The following ABL1 variants were observed in gnomAD, a reference collection of about 807,000 sequenced individuals.
The protein encoded by ABL1 is ABL proto-oncogene 1, non-receptor tyrosine kinase.
In ABL1, 11 loss-of-function variants were observed where a neutral mutation model predicts 94.7. That is an observed-to-expected ratio of 0.12 (90% CI 0.07 to 0.19). The LOEUF (loss-of-function observed/expected upper bound fraction) is 0.19, where lower values mean the gene tolerates loss of function less well. ABL1 is among the 10% of genes least tolerant of loss of function. The pLI is 1.00. For missense variants in ABL1, 1,082 were observed against 1,489.4 expected (o/e 0.73, Z 4.50); for synonymous variants, 656 against 622.4 (o/e 1.05, Z -0.80).
rs3085157 is a variant in ABL1 at position 130,802,095 on chromosome 9, CTTTTTT to C, written c.137-51959_137-51954del. Among the ~76,000 whole-genome samples the C allele has an allele frequency of 7.9e-4, 104 of 132,078 alleles. 2 individuals carry two copies. The highest frequency in any genetic ancestry group is 3.0e-3 in the African/African-American group (102 of 33,808). The allele number at this position is 132,078 out of a possible 152,430, so 86.6% of individuals were successfully genotyped here. ...AGTCTGTTCATTTTTTTCCTTCAGT[CTTTTTT>C]TTTTTTTTTGAAATGGTCTCTCTCT... On this transcript the variant is annotated intron_variant, in intron 1 of 10. Transcript: ENST00000372348.
At chr9:130,830,610 T>A (rs1159982019), upstream of ABL1, among the ~76,000 whole-genome samples, 3 of 152,214 alleles carry the variant, frequency 2.0e-5, no homozygotes, top group African/African-American at 7.2e-5. Flanking sequence ...GCATGTTTGT[T>A]AATTTGAGCT....
At chr9:130,809,448 G>A (rs534696722) in intron 1 of ABL1, among the ~76,000 whole-genome samples, 1 of 151,410 alleles carries the variant, frequency 6.6e-6, no homozygotes, top group African/African-American at 2.4e-5. Flanking sequence ...GTGTGTGCAC[G>A]TGTGAAGAAA....
intron 1 of ABL1, among the ~76,000 whole-genome samples, chr9:130,755,273 G>A (rs766131298): frequency 1.7e-4 from 26 of 152,190 alleles, no homozygotes; most frequent in Non-Finnish European, 3.2e-4. Flanking sequence ...ACACCAGTAG[G>A]CATCTTGGAT....
intron 1 of ABL1, among the ~76,000 whole-genome samples, chr9:130,799,547 A>G (rs1461545130): frequency 6.6e-6 from 1 of 152,182 alleles, no homozygotes; most frequent in Non-Finnish European, 1.5e-5. Context: ...CTATGGCCTC[A>G]ATTTCATCTT....
intron 1 of ABL1, among the ~76,000 whole-genome samples, chr9:130,812,200 C>CAAAAAA (rs35352789): frequency 4.1e-5 from 2 of 48,760 alleles, no homozygotes; most frequent in African/African-American, 6.3e-5. Context: ...TCCATCTCTA[C>CAAAAAA]AAAAAAAAAA....
chr9:130,838,092 GAT>G (rs1830615710), intron 1 of ABL1, among the ~76,000 whole-genome samples: 1 of 152,188 alleles, frequency 6.6e-6, no homozygotes, highest in Non-Finnish European at 1.5e-5. Context: ...TATGTGATCT[GAT>G]ATAGTTATAT....
intron 1 of ABL1, among the ~76,000 whole-genome samples, chr9:130,809,746 C>G (rs2132850477): frequency 6.6e-6 from 1 of 152,274 alleles, no homozygotes; most frequent in Admixed American, 6.5e-5. Context: ...GGGGCTCACC[C>G]ACATTAGGGA....
rs888840723 is a variant in ABL1, at chr9:130,802,131, C to T, written c.137-51933C>T. 3.9e-4 allele frequency among the ~76,000 whole-genome samples: 54 copies of T among 138,848 alleles called. No homozygotes were observed. The Middle Eastern group carries it at 0.015, about 39-fold the overall frequency. 91.1% of individuals were successfully genotyped at this position (138,848 alleles called of 152,430 possible). A position where few individuals can be genotyped will look rare whatever the true frequency, so the allele number is the denominator to read the frequency against. On this transcript the variant is annotated intron_variant, in intron 1 of 10. Coordinates refer to the ABL1 transcript ENST00000372348. ...TTTTTGAAATGGTCTCTCTCTGTTG[C>T]CCAGGCTGGATGGTACAGCGGTGTG...
At chr9:130,808,521 G>A (rs998466498) in intron 1 of ABL1, among the ~76,000 whole-genome samples, 2 of 152,150 alleles carry the variant, frequency 1.3e-5, no homozygotes, top group African/African-American at 4.8e-5. Flanking sequence ...TGGGATTACA[G>A]GCATGAGCCA....
intron 1 of ABL1, among the ~76,000 whole-genome samples, chr9:130,795,358 A>G (rs1449308567): frequency 6.6e-6 from 1 of 152,246 alleles, no homozygotes; most frequent in Non-Finnish European, 1.5e-5. Context: ...AAGTGGTTCC[A>G]GAATAGTCTG....
intron 1 of ABL1, among the ~76,000 whole-genome samples, chr9:130,757,695 C>T (rs147120251): frequency 4.1e-4 from 62 of 151,810 alleles, no homozygotes; most frequent in African/African-American, 1.3e-3. Context: ...CCCACCACCA[C>T]GCCCGGCTAA....
At chr9:130,780,200 T>C (rs536319469) in intron 1 of ABL1, among the ~76,000 whole-genome samples, 1 of 152,078 alleles carries the variant, frequency 6.6e-6, no homozygotes, top group Non-Finnish European at 1.5e-5. Flanking sequence ...GGCAGGAGAA[T>C]CGCTTGAACC....
At chr9:130,812,200 C>CAAAAAAAAAAAAAAAAAA in intron 1 of ABL1, among the ~76,000 whole-genome samples, 1 of 48,766 alleles carries the variant, frequency 2.1e-5, no homozygotes, top group African/African-American at 6.3e-5. Context: ...TCCATCTCTA[C>CAAAAAAAAAAAAAAAAAA]AAAAAAAAAA....
At chr9:130,838,093 A>G (rs1830615669) in intron 1 of ABL1, among the ~76,000 whole-genome samples, 1 of 152,226 alleles carries the variant, frequency 6.6e-6, no homozygotes, top group Non-Finnish European at 1.5e-5. Flanking sequence ...ATGTGATCTG[A>G]TATAGTTATA....
At chr9:130,832,127 A>T (rs972379414), upstream of ABL1, among the ~76,000 whole-genome samples, 36 of 142,018 alleles carry the variant, frequency 2.5e-4, no homozygotes, top group South Asian at 4.5e-4. Context: ...CCTTCTAAAT[A>T]TTTTTTTTTT....
At chr9:130,806,552 G>A (rs1327467738) in intron 1 of ABL1, among the ~76,000 whole-genome samples, 1 of 152,172 alleles carries the variant, frequency 6.6e-6, no homozygotes, top group African/African-American at 2.4e-5. Flanking sequence ...AGTGATGCAC[G>A]CCTGTAGTCC....
Position 130,869,915 on chromosome 9 carries a change from C to CCCGAATTCAAGTGATTCTCCTGCCT in ABL1, c.823-2212_823-2188dup, listed in dbSNP as rs1284968019. Among the ~76,000 whole-genome samples the CCCGAATTCAAGTGATTCTCCTGCCT allele has an allele frequency of 3.3e-5, 5 of 152,316 alleles. No individual in the cohort carries two copies. The East Asian group carries it at 7.7e-4, about 24-fold the overall frequency. On this transcript the variant is annotated intron_variant, in intron 4 of 10. Transcript: ENST00000318560. ...TCTTGGCTCACTGCAACCTCCTGCT[C>CCCGAATTCAAGTGATTCTCCTGCCT]CCGAATTCAAGTGATTCTCCTGCCT...
At chr9:130,843,223 C>T (rs1412284041) in intron 1 of ABL1, among the ~76,000 whole-genome samples, 1 of 152,142 alleles carries the variant, frequency 6.6e-6, no homozygotes, top group Non-Finnish European at 1.5e-5. Flanking sequence ...ACAGAAGGCT[C>T]TGAGATATGA....
At chr9:130,716,135 G>A (rs948558044) in intron 1 of ABL1, among the ~76,000 whole-genome samples, 3 of 139,130 alleles carry the variant, frequency 2.2e-5, no homozygotes, top group Non-Finnish European at 4.6e-5. Context: ...CACCCAGGCT[G>A]GAGTGCAGGA....
Sources: allele counts gnomAD v4.1 joint callset (sites outside exome capture counted in the v4.1 genomes callset), GRCh38; gene constraint gnomAD v4.1.1; transcripts MANE v1.5; gene names NCBI Gene and HGNC (gene_info 2026-07-23, HGNC 2026-07-21).